The following SOX5 variants were observed in gnomAD, a reference collection of about 807,000 sequenced individuals.
The protein encoded by SOX5 is transcription factor SOX-5.
A neutral mutation model predicts 92.0 loss-of-function variants in SOX5; 9 were observed. The observed-to-expected ratio is 0.10, with a 90% confidence interval of 0.06 to 0.17. The LOEUF (loss-of-function observed/expected upper bound fraction) is 0.17. Ranked by LOEUF, SOX5 falls within the 10% of genes least tolerant of loss-of-function variation. SOX5 has a pLI of 1.00. For missense variants in SOX5, 642 were observed against 944.5 expected (o/e 0.68, Z 4.20); for synonymous variants, 344 against 336.3 (o/e 1.02, Z -0.25).
intron 8 of SOX5, among the ~76,000 whole-genome samples, chr12:23,616,896 G>A (rs544791473): frequency 1.3e-5 from 2 of 152,058 alleles, no homozygotes; most frequent in Non-Finnish European, 2.9e-5. Flanking sequence ...AAGGTGGGAC[G>A]ATCACTTGAG....
intron 10 of SOX5, among the ~76,000 whole-genome samples, chr12:23,566,660 T>C (rs1211432895): frequency 6.6e-6 from 1 of 152,236 alleles, no homozygotes; most frequent in East Asian, 1.9e-4. Flanking sequence ...ACAAGTTGTT[T>C]TACTGTTCTA....
chr12:24,360,574 A>G (rs1422527910), intron 2 of SOX5, among the ~76,000 whole-genome samples: 1 of 152,198 alleles, frequency 6.6e-6, no homozygotes, highest in Non-Finnish European at 1.5e-5. Flanking sequence ...TCTTATTATT[A>G]GTTTAAGCAA....
At chr12:24,473,279 T>C (rs1020863723) in intron 1 of SOX5, among the ~76,000 whole-genome samples, 3 of 152,128 alleles carry the variant, frequency 2.0e-5, no homozygotes, top group South Asian at 2.1e-4. Flanking sequence ...CTCTCATATG[T>C]AGTGTTTGCA....
intron 3 of SOX5, among the ~76,000 whole-genome samples, chr12:24,269,688 C>CTTTTTTT (rs58098308): frequency 4.3e-5 from 5 of 116,754 alleles, no homozygotes; most frequent in Admixed American, 1.9e-4. Context: ...TATTTTTATT[C>CTTTTTTT]TTTTTTTTTT....
chr12:23,874,578 G>A (rs973120637), intron 2 of SOX5, among the ~76,000 whole-genome samples: 1 of 152,184 alleles, frequency 6.6e-6, no homozygotes, highest in Non-Finnish European at 1.5e-5. Flanking sequence ...ATCGGAAATA[G>A]TACGGGCAGC....
At chr12:24,196,801 G>A (rs567890943) in intron 4 of SOX5, among the ~76,000 whole-genome samples, 1 of 152,258 alleles carries the variant, frequency 6.6e-6, no homozygotes, top group African/African-American at 2.4e-5. Context: ...TACTCAGGAG[G>A]CTGAGTTGGG....
chr12:23,789,244 A>AC (rs1297326798), intron 3 of SOX5, among the ~76,000 whole-genome samples: 2 of 151,894 alleles, frequency 1.3e-5, no homozygotes, highest in Non-Finnish European at 2.9e-5. Context: ...AAAAAAAAAA[A>AC]ACATTAAATT....
chr12:24,191,297 T>C (rs1956499286), intron 4 of SOX5, among the ~76,000 whole-genome samples: 1 of 152,220 alleles, frequency 6.6e-6, no homozygotes, highest in South Asian at 2.1e-4. Flanking sequence ...AATTTTAGTG[T>C]TTTGCTCTTT....
At chr12:24,552,118 C>T (rs868581367) in intron 1 of SOX5, among the ~76,000 whole-genome samples, 1 of 152,056 alleles carries the variant, frequency 6.6e-6, no homozygotes, top group Non-Finnish European at 1.5e-5. Context: ...ATGTCAGGTC[C>T]CCTCACTCTT....
chr12:24,204,714 T>C (rs145398340), intron 4 of SOX5, among the ~76,000 whole-genome samples: 2,341 of 152,294 alleles, frequency 0.015, 33 homozygotes, highest in Non-Finnish European at 0.022. Context: ...TCAGTGTGTA[T>C]GTAGATTTGT....
chr12:24,067,437 CTT>C (rs1452996068), intron 4 of SOX5, among the ~76,000 whole-genome samples: 2 of 152,004 alleles, frequency 1.3e-5, no homozygotes, highest in African/African-American at 4.8e-5. Flanking sequence ...TGCCTTTCAA[CTT>C]TATATTAAGT....
At chr12:23,630,679 C>A (rs1422191447) in intron 8 of SOX5, among the ~76,000 whole-genome samples, 2 of 151,896 alleles carry the variant, frequency 1.3e-5, no homozygotes, top group African/African-American at 2.4e-5. Context: ...TTCATTTAAT[C>A]CTCAACAATA....
chr12:24,233,432 G>T lies in SOX5; in HGVS notation c.-76-20015C>A, dbSNP rs145550291. Among the ~76,000 whole-genome samples, 1,395 of 152,226 alleles carry T rather than the reference G, an allele frequency of 9.2e-3. 25 individuals carry two copies. The highest frequency in any genetic ancestry group is 0.032 in the African/African-American group (1,338 of 41,564). On this transcript the variant is annotated intron_variant, in intron 3 of 4. Coordinates refer to the SOX5 transcript ENST00000446891. ...CACAGAAACCATAGCTTAATACAAT[G>T]AACTAAAATTATGTTAAGGAAACAG...
chr12:23,857,776 A>G (rs1436945636), intron 2 of SOX5, among the ~76,000 whole-genome samples: 4 of 147,094 alleles, frequency 2.7e-5, no homozygotes, highest in Non-Finnish European at 6.0e-5. Flanking sequence ...TCTGTAGCCC[A>G]GGCTGGAGTG....
chr12:23,931,790 T>C (rs1433327089), intron 1 of SOX5, among the ~76,000 whole-genome samples: 4 of 151,680 alleles, frequency 2.6e-5, no homozygotes, highest in African/African-American at 9.7e-5. Context: ...AGAACAAATG[T>C]TGTAGTTCTA....
At chr12:23,662,635 C>G (rs1545769) in intron 7 of SOX5, among the ~76,000 whole-genome samples, 110,886 of 152,112 alleles carry the variant, frequency 0.73, 41,191 homozygotes, top group African/African-American at 0.89. Context: ...AAAAGCTTCT[C>G]TTTCAGAAAC....
intron 4 of SOX5, among the ~76,000 whole-genome samples, chr12:24,114,113 G>A (rs1168182296): frequency 6.6e-6 from 1 of 152,130 alleles, no homozygotes; most frequent in Non-Finnish European, 1.5e-5. Flanking sequence ...GCTCTGTCAA[G>A]ATATGTAGAC....
intron 1 of SOX5, among the ~76,000 whole-genome samples, chr12:24,508,620 A>G (rs1278785400): frequency 6.6e-6 from 1 of 152,220 alleles, no homozygotes; most frequent in Non-Finnish European, 1.5e-5. Flanking sequence ...GAATATATGC[A>G]GCAGCTGAAA....
At chr12:23,663,902 G>A (rs912731798) in intron 7 of SOX5, among the ~76,000 whole-genome samples, 7 of 152,036 alleles carry the variant, frequency 4.6e-5, no homozygotes, top group Admixed American at 2.0e-4. Context: ...AGGACGATGC[G>A]GAAAATAATA....
Sources: allele counts gnomAD v4.1 joint callset (sites outside exome capture counted in the v4.1 genomes callset), GRCh38; gene constraint gnomAD v4.1.1; transcripts MANE v1.5; gene names NCBI Gene and HGNC (gene_info 2026-07-23, HGNC 2026-07-21).